The following HERC3 variants were observed in gnomAD, a reference collection of about 807,000 sequenced individuals.
HERC3 encodes the protein probable E3 ubiquitin-protein ligase HERC3.
HERC3 carries 58 observed loss-of-function variants against 129.9 expected under a neutral mutation model. The ratio of observed to expected loss-of-function variants is 0.45; its 90% CI spans 0.36 to 0.56. HERC3 has a LOEUF of 0.56. Among genes scored for constraint, HERC3 ranks in the 20% least tolerant of loss-of-function variants. HERC3 has a pLI of 0.00. For synonymous variants in HERC3, 430 were observed against 451.0 expected (o/e 0.95, Z 0.59); for missense variants, 835 against 1,244.2 (o/e 0.67, Z 4.95).
At chr4:88,627,455 G>A (rs1176752274) in intron 3 of HERC3, among the ~76,000 whole-genome samples, 4 of 152,260 alleles carry the variant, frequency 2.6e-5, no homozygotes, top group African/African-American at 7.2e-5. Flanking sequence ...GAGGATGTGT[G>A]TAGGTTATAT....
the HERC3 span, among the ~76,000 whole-genome samples, chr4:88,535,903 T>C: frequency 6.6e-6 from 1 of 152,244 alleles, no homozygotes; most frequent in Non-Finnish European, 1.5e-5. Flanking sequence ...TGCAAATGTT[T>C]CTTATGTCAT....
intron 3 of HERC3, among the ~76,000 whole-genome samples, chr4:88,630,047 G>C (rs1296890013): frequency 3.3e-5 from 5 of 152,202 alleles, no homozygotes; most frequent in Non-Finnish European, 7.3e-5. Flanking sequence ...CAGTGAATAA[G>C]TATAGCATGT....
At chr4:88,697,311 C>T (rs540365839) in intron 23 of HERC3, 4 of 1,611,792 alleles carry the variant, frequency 2.5e-6, no homozygotes, top group Non-Finnish European at 3.4e-6. Context: ...CCCCCTCCTC[C>T]TCGTCATCCT....
intron 23 of HERC3, chr4:88,697,355 A>G (rs1203481840): frequency 1.5e-5 from 25 of 1,613,164 alleles, no homozygotes; most frequent in Non-Finnish European, 2.1e-5. Flanking sequence ...TCCCCCTCCA[A>G]GGTCCATGCA....
At chr4:88,537,672 T>C in the HERC3 span, among the ~76,000 whole-genome samples, 2 of 152,374 alleles carry the variant, frequency 1.3e-5, no homozygotes, top group East Asian at 3.9e-4. Context: ...CTCTGTGTTC[T>C]AAATAGAAAT....
chr4:88,666,004 G>A (rs1731008724), intron 12 of HERC3, among the ~76,000 whole-genome samples: 2 of 152,140 alleles, frequency 1.3e-5, no homozygotes, highest in South Asian at 2.1e-4. Context: ...CATCCAGTGG[G>A]TAGAACCCAG....
intron 23 of HERC3, among the ~76,000 whole-genome samples, chr4:88,688,947 G>T (rs981567998): frequency 1.3e-5 from 2 of 152,146 alleles, no homozygotes; most frequent in Admixed American, 6.5e-5. Flanking sequence ...GAGCGGGTAG[G>T]GGGTGGGAAA....
chr4:88,672,706 C>T (rs776097042), intron 16 of HERC3, among the ~76,000 whole-genome samples: 11 of 152,326 alleles, frequency 7.2e-5, no homozygotes, highest in Admixed American at 3.9e-4. Context: ...TACCTAATTT[C>T]TATAGGCCCA....
chr4:88,651,918 T>C (rs1729329502), intron 4 of HERC3, 94 bp from the exon 5 acceptor site: 1 of 951,694 alleles, frequency 1.1e-6, no homozygotes. Flanking sequence ...GATGGTGTTA[T>C]TTATTACTGA....
chr4:88,631,855 T>C (rs184482925), intron 3 of HERC3, among the ~76,000 whole-genome samples: 1 of 152,324 alleles, frequency 6.6e-6, no homozygotes, highest in Non-Finnish European at 1.5e-5. Flanking sequence ...GAAGGATGGA[T>C]AAGTACATGC....
At chr4:88,589,417 C>A (rs1425143453), upstream of HERC3, among the ~76,000 whole-genome samples, 5 of 152,058 alleles carry the variant, frequency 3.3e-5, no homozygotes, top group African/African-American at 1.2e-4. Flanking sequence ...GAATGTTTTT[C>A]TTTTATAAAA....
rs376294553 is a variant in HERC3 at position 88,690,204 on chromosome 4, T to C, written c.2657+2905T>C. 7 of 980,264 alleles carry C rather than the reference T, an allele frequency of 7.1e-6. No homozygotes were observed. In the South Asian group the frequency reaches 2.8e-4, roughly 40 times the overall value. 60.7% of individuals were successfully genotyped at this position (980,264 alleles called of 1,614,324 possible). A position where few individuals can be genotyped will look rare whatever the true frequency, so the allele number is the denominator to read the frequency against. On this transcript the variant is annotated intron_variant, in intron 23 of 25. Coordinates refer to ENST00000402738, the MANE Select transcript of HERC3 (RefSeq NM_014606.3). Reference sequence around the variant, plus strand: ...TTTCCTTTATATAACATTGGTACTTTTGTTAACAGTAAATAATTTATCTTC... The same window carrying C: ...TTTCCTTTATATAACATTGGTACTTCTGTTAACAGTAAATAATTTATCTTC...
chr4:88,569,361 T>A, the HERC3 span, among the ~76,000 whole-genome samples: 1 of 152,344 alleles, frequency 6.6e-6, no homozygotes, highest in African/African-American at 2.4e-5. Context: ...GTGGCATCTA[T>A]AATTCAAGAC....
At chr4:88,614,991 C>T (rs34403035) in intron 3 of HERC3, among the ~76,000 whole-genome samples, 14 of 152,274 alleles carry the variant, frequency 9.2e-5, no homozygotes, top group African/African-American at 3.4e-4. Context: ...GTACTGAATT[C>T]TGAATTCTAA....
rs2149278703 is a variant in HERC3, at chr4:88,655,803, TAA to T, written c.909-69_909-68del. ...CCCTGTGCTGTGCACATGTGGAAGT[TAA>T]AAGTCAGAGTCAGAGTGTACATCCA... On this transcript the variant is annotated intron_variant, in intron 8 of 25. Coordinates refer to ENST00000402738, the MANE Select transcript of HERC3 (RefSeq NM_014606.3). 6 of 1,487,642 alleles carry T rather than the reference TAA, an allele frequency of 4.0e-6. No individual in the cohort carries two copies. The South Asian group carries it at 7.6e-5, about 19-fold the overall frequency. 92.2% of individuals were successfully genotyped at this position (1,487,642 alleles called of 1,614,324 possible). A position where few individuals can be genotyped will look rare whatever the true frequency, so the allele number is the denominator to read the frequency against.
chr4:88,544,655 A>C, the HERC3 span, among the ~76,000 whole-genome samples: 2 of 152,230 alleles, frequency 1.3e-5, no homozygotes, highest in Non-Finnish European at 2.9e-5. Context: ...AATAGCAAAG[A>C]CTTGGAACCA....
At chr4:88,617,730 G>T (rs1344137174) in intron 3 of HERC3, among the ~76,000 whole-genome samples, 1 of 152,138 alleles carries the variant, frequency 6.6e-6, no homozygotes, top group Non-Finnish European at 1.5e-5. Flanking sequence ...AATTAGCAGG[G>T]CGTGGTGGTG....
chr4:88,627,625 G>A (rs114096936), intron 3 of HERC3, among the ~76,000 whole-genome samples: 1,795 of 152,104 alleles, frequency 0.012, 42 homozygotes, highest in African/African-American at 0.041. Flanking sequence ...TTTAGTGGCC[G>A]GGCATGGTGG....
At chr4:88,605,671 G>C (rs1723544899) in intron 2 of HERC3, 124 bp from the exon 3 acceptor site, 2 of 572,948 alleles carry the variant, frequency 3.5e-6, no homozygotes, top group Non-Finnish European at 6.2e-6. Context: ...TTTATTTTGA[G>C]TTGTAAGATA....
Sources: allele counts gnomAD v4.1 joint callset (sites outside exome capture counted in the v4.1 genomes callset), GRCh38; gene constraint gnomAD v4.1.1; transcripts MANE v1.5; gene names NCBI Gene and HGNC (gene_info 2026-07-23, HGNC 2026-07-21).